Variants in CUX1 observed in about 807,000 individuals in gnomAD.
CUX1 encodes the protein cut like homeobox 1, also known as protein CASP.
Under a neutral mutation model 158.8 loss-of-function variants are expected in CUX1, and 31 were observed. That is an observed-to-expected ratio of 0.20 (90% CI 0.15 to 0.26). The LOEUF is 0.26. Ranked by LOEUF, CUX1 falls within the 10% of genes least tolerant of loss-of-function variation. The pLI is 1.00. For missense variants in CUX1, 1,589 were observed against 2,014.6 expected, an observed-to-expected ratio of 0.79 and a Z score of 4.04; for synonymous variants, 879 against 862.1, an observed-to-expected ratio of 1.02 and a Z score of -0.34.
intron 1 of CUX1, among the ~76,000 whole-genome samples, chr7:101,844,812 C>T (rs1035731434): frequency 1.3e-5 from 2 of 151,832 alleles, no homozygotes; most frequent in Non-Finnish European, 2.9e-5. Flanking sequence ...GACAGGGTTT[C>T]ACCACGTTGG....
chr7:101,938,442 A>C (rs2129133030), intron 2 of CUX1, among the ~76,000 whole-genome samples: 1 of 152,212 alleles, frequency 6.6e-6, no homozygotes, highest in Non-Finnish European at 1.5e-5. Context: ...TTTTGGTTAC[A>C]TTTCATCCTC....
chr7:102,152,055 A>G (rs1554503754), intron 8 of CUX1, among the ~76,000 whole-genome samples: 1 of 152,082 alleles, frequency 6.6e-6, no homozygotes, highest in African/African-American at 2.4e-5. Context: ...TACAAAAAAG[A>G]AAAAACTAGC....
At position 102,256,451 on chromosome 7, in the gene CUX1, C is replaced by G. The variant is rs1442650158; in HGVS notation, c.*7409C>G. On this transcript the variant is annotated 3_prime_UTR_variant, in exon 24 of 24. Transcript: ENST00000292535. Reference sequence around the variant, plus strand: ...TCACTCTAGTGGTTACTATCCTCTGCCTTCCTCTCCTCCCCTACTCCCCCA... The same window carrying G: ...TCACTCTAGTGGTTACTATCCTCTGGCTTCCTCTCCTCCCCTACTCCCCCA... 1.0e-6 allele frequency: 1 copy of G among 985,264 alleles called. No individual in the cohort carries two copies. The highest frequency in any genetic ancestry group is 1.1e-4 in the East Asian group (1 of 8,836). The allele number at this position is 985,264 out of a possible 1,614,324, so 61.0% of individuals were successfully genotyped here. A position where few individuals can be genotyped will look rare whatever the true frequency, so the allele number is the denominator to read the frequency against.
intron 8 of CUX1, among the ~76,000 whole-genome samples, chr7:102,156,194 T>G (rs1362167919): frequency 3.9e-5 from 6 of 152,088 alleles, no homozygotes; most frequent in Non-Finnish European, 8.8e-5. Context: ...TTTTTCCAAC[T>G]CTCAGCGTCC....
chr7:101,964,086 T>A (rs1250185090), intron 2 of CUX1, among the ~76,000 whole-genome samples: 1 of 152,162 alleles, frequency 6.6e-6, no homozygotes, highest in Non-Finnish European at 1.5e-5. Flanking sequence ...GCACAGTGGC[T>A]TATGCCTGTA....
At chr7:102,179,755 C>T (rs531685606) in intron 11 of CUX1, among the ~76,000 whole-genome samples, 39 of 152,362 alleles carry the variant, frequency 2.6e-4, no homozygotes, top group Non-Finnish European at 4.0e-4. Flanking sequence ...AGTTGTCTGT[C>T]TTGACAGCGA....
chr7:102,263,979 AC>A (rs1790612122), intron 14 of CUX1, among the ~76,000 whole-genome samples: 1 of 143,620 alleles, frequency 7.0e-6, no homozygotes, highest in African/African-American at 2.6e-5. Flanking sequence ...GGCATGAGCC[AC>A]TATTCCCAGA....
Position 102,168,922 on chromosome 7 carries a change from TCTTTTC to T in CUX1, c.724-1523_724-1518del, listed in dbSNP as rs1157761627. On this transcript the variant is annotated intron_variant, in intron 9 of 23. Transcript: ENST00000292535. Reference sequence around the variant, plus strand: ...TCTTTTCTTTTCTTTTATTTTCTTTTCTTTTCTTTTATTTTCTTTTTTTTTTTGAGA... The same window carrying T: ...TCTTTTCTTTTCTTTTATTTTCTTTTTTTTATTTTCTTTTTTTTTTTGAGA... Among the ~76,000 whole-genome samples the T allele has an allele frequency of 8.9e-3, 929 of 104,230 alleles. 25 individuals are homozygous for T. The highest frequency in any genetic ancestry group is 0.023 in the African/African-American group (529 of 23,384). 68.4% of individuals were successfully genotyped at this position (104,230 alleles called of 152,430 possible). A position where few individuals can be genotyped will look rare whatever the true frequency, so the allele number is the denominator to read the frequency against.
At chr7:102,240,823 G>A (rs1345426378) in intron 23 of CUX1, among the ~76,000 whole-genome samples, 1 of 151,658 alleles carries the variant, frequency 6.6e-6, no homozygotes, top group Middle Eastern at 3.2e-3. Flanking sequence ...TTCCTTTTTT[G>A]TTGTTGTTGT....
At chr7:102,169,751 T>G (rs1425122262) in intron 9 of CUX1, among the ~76,000 whole-genome samples, 1 of 152,202 alleles carries the variant, frequency 6.6e-6, no homozygotes, top group Non-Finnish European at 1.5e-5. Context: ...GGTGGTTGTT[T>G]CCTTGTTCAG....
rs1485026695 is a variant in CUX1, at chr7:102,248,269, C to CTCG, written c.3888-143_3888-142insTCG. The CTCG allele has an allele frequency of 6.9e-6, 5 of 726,852 alleles. No homozygotes were observed. The highest frequency in any genetic ancestry group is 3.3e-4 in the Middle Eastern group (1 of 3,060). 45.0% of individuals were successfully genotyped at this position (726,852 alleles called of 1,614,324 possible). On this transcript the variant is annotated intron_variant, in intron 23 of 23. Transcript: ENST00000292535. The surrounding 1 kb of genome is among the most constrained non-coding windows in gnomAD (Gnocchi z 5.8). ...CTCTGGAGAGGGGCTGCCCCGTGGC[C>CTCG]CGAGGGTCGCTGGAGGGGCACGGAG...
At chr7:101,984,791 CAAG>C (rs1230455677) in intron 2 of CUX1, among the ~76,000 whole-genome samples, 3 of 152,092 alleles carry the variant, frequency 2.0e-5, no homozygotes, top group Non-Finnish European at 4.4e-5. Context: ...ATAAACCGCG[CAAG>C]AAGAAATATA....
At chr7:102,050,837 G>A (rs1393682799) in intron 3 of CUX1, among the ~76,000 whole-genome samples, 2 of 151,864 alleles carry the variant, frequency 1.3e-5, no homozygotes, top group African/African-American at 4.8e-5. Flanking sequence ...CGAGTAGCTG[G>A]GACTATGGGC....
chr7:102,059,631 CAAA>C (rs747660590), intron 3 of CUX1, among the ~76,000 whole-genome samples: 92 of 88,224 alleles, frequency 1.0e-3, no homozygotes, highest in African/African-American at 1.6e-3. Context: ...GACTTCATCT[CAAA>C]AAAAAAAAAA....
intron 14 of CUX1, among the ~76,000 whole-genome samples, chr7:102,263,466 G>T (rs1172029867): frequency 6.6e-6 from 1 of 150,694 alleles, no homozygotes; most frequent in Non-Finnish European, 1.5e-5. Context: ...GGTGCACACT[G>T]CCATGCCCAG....
chr7:102,157,925 C>T (rs777396203), intron 8 of CUX1, among the ~76,000 whole-genome samples: 13 of 152,194 alleles, frequency 8.5e-5, no homozygotes, highest in East Asian at 1.9e-4. Context: ...ATTGCTTTTA[C>T]GACCAGGCTG....
At chr7:101,930,352 C>T (rs184351002) in intron 2 of CUX1, among the ~76,000 whole-genome samples, 6 of 152,298 alleles carry the variant, frequency 3.9e-5, no homozygotes, top group Non-Finnish European at 7.4e-5. Flanking sequence ...TCTTAACTTA[C>T]GGAATTGATT....
intron 1 of CUX1, among the ~76,000 whole-genome samples, chr7:101,851,882 G>A (rs1796299722): frequency 1.3e-5 from 2 of 149,808 alleles, no homozygotes; most frequent in East Asian, 3.9e-4. Context: ...AGGCCAGAGT[G>A]TGGTGGCACC....
chr7:101,856,097 T>C (rs1017242035), intron 1 of CUX1, among the ~76,000 whole-genome samples: 3 of 148,618 alleles, frequency 2.0e-5, no homozygotes, highest in Non-Finnish European at 1.5e-5. Context: ...GAAGGATCGC[T>C]TGAGTCCAGC....
Sources: allele counts gnomAD v4.1 joint callset (sites outside exome capture counted in the v4.1 genomes callset), GRCh38; gene constraint gnomAD v4.1.1; non-coding constraint Gnocchi (gnomAD v3.1); transcripts MANE v1.5; gene names NCBI Gene and HGNC (gene_info 2026-07-23, HGNC 2026-07-21).